Variants in EYA1 observed in about 807,000 individuals in gnomAD.
EYA1 encodes the protein EYA transcriptional coactivator and phosphatase 1, also known as protein phosphatase EYA1.
A neutral mutation model predicts 82.0 loss-of-function variants in EYA1; 16 were observed. That is an observed-to-expected ratio of 0.20 (90% confidence interval 0.13 to 0.30). The LOEUF (loss-of-function observed/expected upper bound fraction) is 0.30. Among genes scored for constraint, EYA1 ranks in the 10% least tolerant of loss-of-function variants. EYA1 has a pLI of 1.00. For missense variants in EYA1, 633 were observed against 730.7 expected (o/e 0.87, Z 1.54); for synonymous variants, 261 against 264.4 (o/e 0.99, Z 0.12).
chr8:71,379,512 G>C (rs1376970563), intron 2 of EYA1, among the ~76,000 whole-genome samples: 1 of 152,120 alleles, frequency 6.6e-6, no homozygotes, highest in Non-Finnish European at 1.5e-5. Context: ...CATATTTGAG[G>C]GGTTTTGTTG....
intron 12 of EYA1, among the ~76,000 whole-genome samples, chr8:71,233,399 C>G (rs1811448804): frequency 6.6e-6 from 1 of 151,842 alleles, no homozygotes; most frequent in African/African-American, 2.4e-5. Flanking sequence ...CCCGTCTCTA[C>G]TAAAAACACA....
chr8:71,394,974 G>C (rs1431779190), intron 2 of EYA1, among the ~76,000 whole-genome samples: 1 of 152,144 alleles, frequency 6.6e-6, no homozygotes, highest in Admixed American at 6.5e-5. Flanking sequence ...TCGTTGAGCA[G>C]TGGTTTGTAG....
At chr8:71,515,520 T>C (rs1045966045) in intron 2 of EYA1, among the ~76,000 whole-genome samples, 2 of 152,090 alleles carry the variant, frequency 1.3e-5, no homozygotes, top group Non-Finnish European at 2.9e-5. Context: ...ACATTGTTAC[T>C]AGTGATAAAG....
At chr8:71,446,374 A>G (rs1174826985) in intron 2 of EYA1, among the ~76,000 whole-genome samples, 2 of 152,020 alleles carry the variant, frequency 1.3e-5, no homozygotes, top group Non-Finnish European at 2.9e-5. Flanking sequence ...CACGCTCACT[A>G]TCTCCTGCTG....
chr8:71,429,761 C>T (rs1250629063), intron 2 of EYA1, among the ~76,000 whole-genome samples: 2 of 152,074 alleles, frequency 1.3e-5, no homozygotes, highest in South Asian at 2.1e-4. Context: ...TTTCTGATTT[C>T]CTACCTGATT....
intron 2 of EYA1, among the ~76,000 whole-genome samples, chr8:71,392,917 A>C (rs1586616705): frequency 6.6e-6 from 1 of 152,042 alleles, no homozygotes; most frequent in East Asian, 1.9e-4. Flanking sequence ...TATGTTTGTA[A>C]TTTACCTAGG....
At chr8:71,334,042 A>G (rs1289408536) in intron 4 of EYA1, 55 bp downstream of exon 4, 1 of 1,243,284 alleles carries the variant, frequency 8.0e-7, no homozygotes, top group Non-Finnish European at 1.2e-6. Flanking sequence ...CATTACATGA[A>G]TAAACTAGAA....
At position 71,199,533 on chromosome 8, in the gene EYA1, C is replaced by T. The variant is rs534902820; in HGVS notation, c.1699-113G>A. 3.2e-4 allele frequency: 232 copies of T among 719,864 alleles called. No individual in the cohort carries two copies. The South Asian group carries it at 3.3e-3, about 10-fold the overall frequency. 44.6% of individuals were successfully genotyped at this position (719,864 alleles called of 1,614,324 possible). ...CCCATTTTCAGTATCATTGAAATGC[C>T]AGCTAACATCTTAACATCACATCTG... On this transcript the variant is annotated intron_variant, in intron 17 of 17. Transcript: ENST00000340726.
At chr8:71,448,025 T>TTTTTTTTTTTTTTTTGGTAACGGAG (rs935912194) in intron 2 of EYA1, among the ~76,000 whole-genome samples, 7 of 116,742 alleles carry the variant, frequency 6.0e-5, no homozygotes, top group East Asian at 6.7e-4. Context: ...TTTTTTTTTT[T>TTTTTTTTTTTTTTTTGGTAACGGAG]TCTCGCTCCG....
chr8:71,273,350 T>C (rs11785185), intron 9 of EYA1, among the ~76,000 whole-genome samples: 1 of 152,078 alleles, frequency 6.6e-6, no homozygotes, highest in African/African-American at 2.4e-5. Flanking sequence ...TTGGGATGCA[T>C]TTTTAAGCTG....
At chr8:71,330,525 G>C (rs1188844612) in intron 4 of EYA1, among the ~76,000 whole-genome samples, 1 of 152,026 alleles carries the variant, frequency 6.6e-6, no homozygotes. Context: ...CTATGTACTT[G>C]AAAGACATTT....
chr8:71,536,431 A>G (rs1814718995), intron 1 of EYA1, among the ~76,000 whole-genome samples: 1 of 152,148 alleles, frequency 6.6e-6, no homozygotes, highest in Admixed American at 6.5e-5. Context: ...CACCTTCAGG[A>G]AGAATGGTTT....
intron 2 of EYA1, among the ~76,000 whole-genome samples, chr8:71,480,284 A>G (rs1318816950): frequency 1.3e-5 from 2 of 152,202 alleles, no homozygotes; most frequent in African/African-American, 4.8e-5. Context: ...GTTCATTTCG[A>G]AATGTGTGAA....
chr8:71,238,578 A>AT (rs545464641), intron 12 of EYA1, among the ~76,000 whole-genome samples: 3 of 151,940 alleles, frequency 2.0e-5, no homozygotes, highest in Admixed American at 2.0e-4. Context: ...CTTTTATGAT[A>AT]TTTTTTGTTT....
intron 12 of EYA1, among the ~76,000 whole-genome samples, chr8:71,222,327 G>A (rs1267776484): frequency 1.7e-5 from 2 of 120,338 alleles, no homozygotes; most frequent in African/African-American, 4.0e-5. Context: ...AAGAACTAGG[G>A]CCAGTGCAAG....
intron 17 of EYA1, among the ~76,000 whole-genome samples, chr8:71,201,096 T>G (rs1311733137): frequency 6.7e-6 from 1 of 149,060 alleles, no homozygotes; most frequent in Non-Finnish European, 1.5e-5. Context: ...TAGTAAGCCC[T>G]GCTAAGGAGT....
At chr8:71,238,061 G>A (rs1812058586) in intron 12 of EYA1, among the ~76,000 whole-genome samples, 1 of 152,186 alleles carries the variant, frequency 6.6e-6, no homozygotes, top group South Asian at 2.1e-4. Context: ...TTTCCAAATG[G>A]CCATCTGAAG....
intron 11 of EYA1, among the ~76,000 whole-genome samples, chr8:71,258,688 C>T (rs995394987): frequency 6.6e-6 from 1 of 152,164 alleles, no homozygotes; most frequent in African/African-American, 2.4e-5. Flanking sequence ...TTATGCTGCT[C>T]ATTTTATTTT....
At chr8:71,348,379 C>G (rs1251103487) in intron 3 of EYA1, among the ~76,000 whole-genome samples, 1 of 152,190 alleles carries the variant, frequency 6.6e-6, no homozygotes, top group Non-Finnish European at 1.5e-5. Context: ...CAGGAGGGAA[C>G]CAGAGGTTTC....
Sources: allele counts gnomAD v4.1 joint callset (sites outside exome capture counted in the v4.1 genomes callset), GRCh38; gene constraint gnomAD v4.1.1; transcripts MANE v1.5; gene names NCBI Gene and HGNC (gene_info 2026-07-23, HGNC 2026-07-21).